FRMPD4: variants seen among roughly 807,000 people sequenced by gnomAD.
FRMPD4 encodes FERM and PDZ domain containing 4.
In FRMPD4, 22 loss-of-function variants were observed where a neutral mutation model predicts 94.1. That is an observed-to-expected ratio of 0.23 (90% confidence interval 0.17 to 0.33). FRMPD4 has a LOEUF of 0.33. Ranked by LOEUF, FRMPD4 falls within the 10% of genes least tolerant of loss-of-function variation. FRMPD4 has a pLI of 1.00. For missense variants in FRMPD4, 1,111 were observed against 1,339.9 expected (o/e 0.83, Z 2.67); for synonymous variants, 631 against 548.6 (o/e 1.15, Z -2.10).
intron 1 of FRMPD4, among the ~76,000 whole-genome samples, chrX:12,291,734 G>A (rs1338570599): frequency 9.0e-6 from 1 of 111,285 alleles, no homozygotes; most frequent in Non-Finnish European, 1.9e-5. Flanking sequence ...TCATTTCTTA[G>A]TTCTACCTTG....
chrX:11,984,072 G>A (rs1005970071), intron 3 of FRMPD4, among the ~76,000 whole-genome samples: 6 of 112,069 alleles, frequency 5.4e-5, no homozygotes, highest in African/African-American at 1.9e-4. Context: ...TAAGGTGGAC[G>A]TCTAATGATT....
chrX:11,851,108 G>A (rs993269951), intron 1 of FRMPD4, among the ~76,000 whole-genome samples: 2 of 111,868 alleles, frequency 1.8e-5, no homozygotes, highest in African/African-American at 6.5e-5. Context: ...GGGGTGGAAA[G>A]GTGCTAGAGG....
intron 10 of FRMPD4, 133 bp downstream of exon 10, chrX:12,702,143 A>G: frequency 1.8e-6 from 1 of 564,541 alleles, no homozygotes. Context: ...AAAATGTATG[A>G]ATATCATGCT....
chrX:12,311,120 C>T (rs758236786), intron 1 of FRMPD4, among the ~76,000 whole-genome samples: 1 of 111,170 alleles, frequency 9.0e-6, no homozygotes, highest in Admixed American at 9.5e-5. Flanking sequence ...GGGGAAAGGG[C>T]GCAGAGGAAA....
intron 1 of FRMPD4, among the ~76,000 whole-genome samples, chrX:12,230,180 A>T (rs1345829887): frequency 9.0e-6 from 1 of 111,729 alleles, no homozygotes; most frequent in Non-Finnish European, 1.9e-5. Flanking sequence ...CTGCAGATGA[A>T]TCTGACCAGC....
chrX:12,692,093 G>A (rs1276473547), intron 8 of FRMPD4, among the ~76,000 whole-genome samples: 3 of 112,083 alleles, frequency 2.7e-5, no homozygotes, highest in Non-Finnish European at 5.6e-5. Flanking sequence ...CTACTACATA[G>A]CCATTATAGG....
At chrX:12,234,483 A>C (rs1200176896) in intron 1 of FRMPD4, among the ~76,000 whole-genome samples, 1 of 111,073 alleles carries the variant, frequency 9.0e-6, no homozygotes, top group African/African-American at 3.3e-5. Context: ...CCAGTGATGC[A>C]GCAGGTCGTT....
intron 4 of FRMPD4, among the ~76,000 whole-genome samples, chrX:12,665,180 C>A (rs1305281185): frequency 9.0e-6 from 1 of 111,553 alleles, no homozygotes; most frequent in Non-Finnish European, 1.9e-5. Flanking sequence ...CAGTGGCTCA[C>A]GCCTGTAATC....
At chrX:12,356,142 G>A (rs770656232) in intron 1 of FRMPD4, among the ~76,000 whole-genome samples, 8 of 111,543 alleles carry the variant, frequency 7.2e-5, no homozygotes, top group Non-Finnish European at 1.3e-4. Context: ...TTCGGAAAAC[G>A]AAGGGCCTCA....
intron 1 of FRMPD4, among the ~76,000 whole-genome samples, chrX:12,182,905 A>G: frequency 9.0e-6 from 1 of 111,514 alleles, no homozygotes; most frequent in East Asian, 2.8e-4. Flanking sequence ...ACAATTGATT[A>G]CAGTCAATGT....
intron 1 of FRMPD4, among the ~76,000 whole-genome samples, chrX:12,338,474 G>A (rs1249998684): frequency 8.9e-6 from 1 of 112,267 alleles, no homozygotes; most frequent in Non-Finnish European, 1.9e-5. Context: ...CAGTGTGTTC[G>A]GTGTAATGCA....
chrX:12,242,377 A>C (rs1025508220), intron 1 of FRMPD4, among the ~76,000 whole-genome samples: 1 of 111,859 alleles, frequency 8.9e-6, no homozygotes, highest in Non-Finnish European at 1.9e-5. Context: ...GTGAGTTTAC[A>C]TGCAAGGAGT....
intron 4 of FRMPD4, among the ~76,000 whole-genome samples, chrX:12,615,100 T>C (rs1274234699): frequency 1.8e-5 from 2 of 112,337 alleles, no homozygotes; most frequent in Non-Finnish European, 3.8e-5. Flanking sequence ...TCTGTTAACA[T>C]TGAAGGTACA....
At chrX:12,563,858 T>C (rs908947769) in intron 2 of FRMPD4, among the ~76,000 whole-genome samples, 4 of 112,212 alleles carry the variant, frequency 3.6e-5, no homozygotes, top group African/African-American at 1.3e-4. Context: ...AGGGACTGAA[T>C]TGGTAATAAC....
chrX:12,571,070 G>T lies in FRMPD4; in HGVS notation c.159-38651G>T, dbSNP rs191186248. On this transcript the variant is annotated intron_variant, in intron 2 of 16. Transcript: ENST00000675598. ...TGTTTTAAATGTCTCTAAGTGATCTGCATCGAAACCTAAACTTTGAGGTAA... is the reference window on the plus strand; with the variant it reads ...TGTTTTAAATGTCTCTAAGTGATCTTCATCGAAACCTAAACTTTGAGGTAA... Among the ~76,000 whole-genome samples the T allele has an allele frequency of 2.7e-5, 3 of 112,054 alleles. No homozygotes were observed. The Admixed American group carries it at 2.8e-4, about 11-fold the overall frequency.
chrX:11,925,249 AG>A (rs1337426982), intron 3 of FRMPD4, among the ~76,000 whole-genome samples: 1 of 111,475 alleles, frequency 9.0e-6, no homozygotes, highest in Non-Finnish European at 1.9e-5. Flanking sequence ...AGGAGTGCCC[AG>A]ATTCATAAAG....
At chrX:12,591,567 C>A (rs754948327) in intron 2 of FRMPD4, among the ~76,000 whole-genome samples, 1 of 112,125 alleles carries the variant, frequency 8.9e-6, no homozygotes, top group Non-Finnish European at 1.9e-5. Context: ...AGAACATCAG[C>A]CATGTTCATT....
At chrX:12,255,754 A>G (rs1464028406) in intron 1 of FRMPD4, among the ~76,000 whole-genome samples, 2 of 112,218 alleles carry the variant, frequency 1.8e-5, no homozygotes, top group Non-Finnish European at 1.9e-5. Context: ...TCAAGGCAAT[A>G]GGTTTGTAGA....
intron 1 of FRMPD4, among the ~76,000 whole-genome samples, chrX:12,360,199 G>A (rs2055963286): frequency 8.9e-6 from 1 of 111,809 alleles, no homozygotes; most frequent in African/African-American, 3.3e-5. Flanking sequence ...GATATTTTAG[G>A]TTATGGACCC....
Sources: allele counts gnomAD v4.1 joint callset (sites outside exome capture counted in the v4.1 genomes callset), GRCh38; gene constraint gnomAD v4.1.1; transcripts MANE v1.5; gene names NCBI Gene and HGNC (gene_info 2026-07-23, HGNC 2026-07-21).